Variants in SNRNP35 observed in about 807,000 individuals in gnomAD.
SNRNP35 encodes U11/U12 small nuclear ribonucleoprotein 35 kDa protein.
In SNRNP35, 16 loss-of-function variants were observed where a neutral mutation model predicts 24.3. That is an observed-to-expected ratio of 0.66 (90% confidence interval 0.45 to 1.00). SNRNP35 has a LOEUF of 1.00. Among genes scored for constraint, SNRNP35 ranks in the 50% least tolerant of loss-of-function variants. SNRNP35 has a pLI of 0.00. For synonymous variants in SNRNP35, 106 were observed against 124.8 expected (o/e 0.85, Z 1.00); for missense variants, 292 against 327.2 (o/e 0.89, Z 0.83).
At chr12:123,472,313 C>T (rs1365140247) in exon 2 of SNRNP35, 8 of 518,190 alleles carry the variant, frequency 1.5e-5, no homozygotes, top group South Asian at 1.2e-4. Flanking sequence ...GGATCAGAGT[C>T]ATCTATTAGA....
intron 1 of SNRNP35, among the ~76,000 whole-genome samples, chr12:123,464,240 GTTT>G (rs1173653190): frequency 1.6e-5 from 2 of 123,954 alleles, no homozygotes; most frequent in African/African-American, 6.1e-5. Context: ...GCCAGCCAAG[GTTT>G]TTTTTTTTTT....
chr12:123,463,559 G>T (rs28781570), intron 1 of SNRNP35, among the ~76,000 whole-genome samples: 4 of 150,812 alleles, frequency 2.7e-5, no homozygotes, highest in Admixed American at 2.0e-4. Context: ...TGTATTTTTA[G>T]TAGAGACGGG....
chr12:123,464,360 C>T (rs532591425), intron 1 of SNRNP35: 12 of 152,210 alleles, frequency 7.9e-5, no homozygotes, highest in African/African-American at 2.2e-4. Context: ...CTGCCTCAGC[C>T]TCCTGAGTAG....
exon 2 of SNRNP35, chr12:123,472,584 T>G: frequency 6.4e-7 from 1 of 1,558,424 alleles, no homozygotes; most frequent in Non-Finnish European, 8.7e-7. Flanking sequence ...GTAACCGTCA[T>G]CGCGGTGGGT....
chr12:123,466,122 G>T lies in SNRNP35; in HGVS notation c.582G>T (p.Trp194Cys). The change falls in exon 2 of 2, where the codon TGG becomes TGT. Residue 194 changes from tryptophan to cysteine, a missense_variant. By Grantham distance (215) the Trp-to-Cys change is radical. Coordinates refer to ENST00000526639, the MANE Select transcript of SNRNP35 (RefSeq NM_022717.4). ...RERSRSRERHWDSRTRDRDHD... is the reference protein window; with the variant it reads ...RERSRSRERHCDSRTRDRDHD... Reference sequence around the variant, plus strand: ...GATCTCGATCCCGAGAAAGACACTGGGACTCGAGGACAAGGGATCGAGACC... The same window carrying T: ...GATCTCGATCCCGAGAAAGACACTGTGACTCGAGGACAAGGGATCGAGACC... 6.2e-7 allele frequency: 1 copy of T among 1,612,054 alleles called. No individual in the cohort carries two copies. The highest frequency in any genetic ancestry group is 1.1e-5 in the South Asian group (1 of 90,868).
chr12:123,471,789 GAAA>G (rs1566107970), downstream of SNRNP35: 1 of 152,350 alleles, frequency 6.6e-6, no homozygotes, highest in Non-Finnish European at 1.5e-5. Context: ...AAGATGTCAG[GAAA>G]AAAAAGTGCA....
At chr12:123,472,269 T>G in exon 2 of SNRNP35, 1 of 393,008 alleles carries the variant, frequency 2.5e-6, no homozygotes, top group East Asian at 4.1e-5. Context: ...AAGTCTGGCC[T>G]CCGTTTGTGG....
At chr12:123,463,446 C>T (rs1253530178) in intron 1 of SNRNP35, among the ~76,000 whole-genome samples, 3 of 151,516 alleles carry the variant, frequency 2.0e-5, no homozygotes, top group Admixed American at 6.6e-5. Flanking sequence ...GATGCGACCT[C>T]GGCTCACTGC....
At position 123,458,228 on chromosome 12, in the gene SNRNP35, C is replaced by A; in HGVS notation, c.-4+12C>A. On this transcript the variant is annotated intron_variant, in intron 1 of 1. Transcript: ENST00000526639. ...CAAGCTTTGCAGAGGTGAGTGGAAG[C>A]GGCTTGGAAGGAGCGGGCCCCACGC... 2 of 985,362 alleles carry A rather than the reference C, an allele frequency of 2.0e-6. No individual in the cohort carries two copies. Among genetic ancestry groups the A allele is most frequent in the Non-Finnish European group, 2.4e-6 (2 of 829,938 alleles). The allele number at this position is 985,362 out of a possible 1,614,324, so 61.0% of individuals were successfully genotyped here.
exon 2 of SNRNP35, chr12:123,472,779 A>G: frequency 7.6e-7 from 1 of 1,319,616 alleles, no homozygotes; most frequent in Non-Finnish European, 1.0e-6. Context: ...GCAAACTTAG[A>G]AGGGAGCAAA....
rs889919665 is a variant in SNRNP35, at chr12:123,466,479, T to C, written c.*198T>C. The C allele has an allele frequency of 9.7e-6, 5 of 515,580 alleles. No individual in the cohort carries two copies. Among genetic ancestry groups the C allele is most frequent in the East Asian group, 9.6e-5 (3 of 31,174 alleles). The allele number at this position is 515,580 out of a possible 1,614,324, so 31.9% of individuals were successfully genotyped here. On this transcript the variant is annotated 3_prime_UTR_variant, in exon 2 of 2. Coordinates refer to ENST00000526639, the MANE Select transcript of SNRNP35 (RefSeq NM_022717.4). ...TCTTCCTCACATAGTTCTAAGGACA[T>C]GTTATTTAACAGGATCAAGAAGCAA...
chr12:123,471,525 G>A (rs1881190185), downstream of SNRNP35: 1 of 152,242 alleles, frequency 6.6e-6, no homozygotes, highest in Non-Finnish European at 1.5e-5. Flanking sequence ...ACAGTGTTAT[G>A]TGGGCAAGCC....
intron 1 of SNRNP35, among the ~76,000 whole-genome samples, chr12:123,461,578 A>G (rs1244379676): frequency 6.6e-6 from 1 of 152,084 alleles, no homozygotes; most frequent in Non-Finnish European, 1.5e-5. Flanking sequence ...TACTGACAGC[A>G]GAGAGGCAGC....
intron 1 of SNRNP35, among the ~76,000 whole-genome samples, chr12:123,460,104 T>C (rs1880522169): frequency 6.6e-6 from 1 of 152,178 alleles, no homozygotes; most frequent in Non-Finnish European, 1.5e-5. Context: ...AGTGCTAGGA[T>C]TGCTGGCGTG....
At chr12:123,463,277 G>T (rs567906551) in intron 1 of SNRNP35, among the ~76,000 whole-genome samples, 1 of 152,076 alleles carries the variant, frequency 6.6e-6, no homozygotes, top group East Asian at 1.9e-4. Flanking sequence ...GCCCAGGCTG[G>T]TCTCCAACTC....
downstream of SNRNP35, among the ~76,000 whole-genome samples, chr12:123,468,356 C>G (rs556088021): frequency 2.4e-5 from 1 of 41,686 alleles, no homozygotes; most frequent in African/African-American, 1.0e-4. Flanking sequence ...GAGACTCTGT[C>G]TCAAAAAAAA....
At position 123,466,552 on chromosome 12, in the gene SNRNP35, CT is replaced by C. The variant is rs61289565; in HGVS notation, c.*285del. On this transcript the variant is annotated 3_prime_UTR_variant, in exon 2 of 2. Coordinates refer to ENST00000526639, the MANE Select transcript of SNRNP35 (RefSeq NM_022717.4). ...ACAGAAGGGCATTTTCTTTTCTTTT[CT>C]TTTTTTTTTTTTTGAGACAGAGTCT... The C allele has an allele frequency of 0.48, 91,098 of 189,922 alleles. 20,103 individuals are homozygous for C. Among genetic ancestry groups the C allele is most frequent in the East Asian group, 0.8 (6,279 of 7,876 alleles). 11.8% of individuals were successfully genotyped at this position (189,922 alleles called of 1,614,324 possible). A position where few individuals can be genotyped will look rare whatever the true frequency, so the allele number is the denominator to read the frequency against.
In SNRNP35 at chr12:123,460,981, T is replaced by A. The variant is rs866533163; in HGVS notation, c.-4+2765T>A. Among the ~76,000 whole-genome samples, 189 of 142,710 alleles carry A rather than the reference T, an allele frequency of 1.3e-3. 1 individual carries two copies. Among genetic ancestry groups the A allele is most frequent in the East Asian group, 5.2e-3 (25 of 4,790 alleles). 93.6% of individuals were successfully genotyped at this position (142,710 alleles called of 152,430 possible). A position where few individuals can be genotyped will look rare whatever the true frequency, so the allele number is the denominator to read the frequency against. Reference sequence around the variant, plus strand: ...CTTTTTTTTTTTTTTTTTTTTTTTTTTAAAAACAGAGACAGGGTCTCACCA... The same window carrying A: ...CTTTTTTTTTTTTTTTTTTTTTTTTATAAAAACAGAGACAGGGTCTCACCA... On this transcript the variant is annotated intron_variant, in intron 1 of 1. Transcript: ENST00000526639.
intron 1 of SNRNP35, among the ~76,000 whole-genome samples, 179 bp downstream of exon 1, chr12:123,458,395 C>T (rs74598566): frequency 0.043 from 6,406 of 150,166 alleles, 434 homozygotes; most frequent in African/African-American, 0.14. Context: ...AGGATGGCGC[C>T]TTACTCCCTG....
Sources: gnomAD v4.1 joint callset for allele counts (sites outside exome capture counted in the v4.1 genomes callset) on GRCh38, gnomAD v4.1.1 for gene constraint, MANE v1.5 for transcripts, NCBI Gene and HGNC (gene_info 2026-07-23, HGNC 2026-07-21) for gene names.